LYPD6B: variants seen among roughly 807,000 people sequenced by gnomAD.
LYPD6B encodes the protein LY6/PLAUR domain containing 6B.
Under a neutral mutation model 22.8 loss-of-function variants are expected in LYPD6B, and 17 were observed. The observed-to-expected ratio is 0.75, with a 90% CI of 0.51 to 1.12. LYPD6B has a LOEUF of 1.12. Among genes scored for constraint, LYPD6B ranks in the 50% most tolerant of loss-of-function variants. The pLI is 0.00. For missense variants in LYPD6B, 221 were observed against 258.3 expected, an observed-to-expected ratio of 0.86 and a Z score of 0.99; for synonymous variants, 106 against 91.6, an observed-to-expected ratio of 1.16 and a Z score of -0.90.
At chr2:149,191,285 CTTAA>C (rs556553270) in intron 3 of LYPD6B, among the ~76,000 whole-genome samples, 20 of 152,134 alleles carry the variant, frequency 1.3e-4, no homozygotes, top group Non-Finnish European at 1.9e-4. Context: ...TTCTTTAAAA[CTTAA>C]TTAAATAATG....
At chr2:149,071,608 C>T (rs1370047027) in intron 1 of LYPD6B, among the ~76,000 whole-genome samples, 1 of 152,158 alleles carries the variant, frequency 6.6e-6, no homozygotes, top group Non-Finnish European at 1.5e-5. Flanking sequence ...ATAACAATGG[C>T]TGTGATTTCC....
At chr2:149,116,824 C>T (rs1009860555) in intron 1 of LYPD6B, among the ~76,000 whole-genome samples, 11 of 152,188 alleles carry the variant, frequency 7.2e-5, no homozygotes, top group Non-Finnish European at 1.3e-4. Flanking sequence ...GTTTAGTTCT[C>T]ATCTTCCTTG....
At chr2:149,188,879 T>G (rs1692298054) in intron 3 of LYPD6B, 1 of 157,492 alleles carries the variant, frequency 6.3e-6, no homozygotes. Context: ...ATTTTGTCAT[T>G]TTCACAATGA....
chr2:149,087,432 G>A (rs1175681366), intron 1 of LYPD6B, among the ~76,000 whole-genome samples: 3 of 152,234 alleles, frequency 2.0e-5, no homozygotes, highest in Non-Finnish European at 2.9e-5. Context: ...TGAGTTTGAC[G>A]GCTCATGCCT....
chr2:149,171,303 T>C (rs1349485833), intron 3 of LYPD6B, among the ~76,000 whole-genome samples: 1 of 152,168 alleles, frequency 6.6e-6, no homozygotes, highest in Non-Finnish European at 1.5e-5. Context: ...TTCCATGCCC[T>C]TCTCCTTGAG....
intron 1 of LYPD6B, chr2:149,118,250 G>C (rs1256208226): frequency 6.6e-6 from 1 of 152,234 alleles, no homozygotes; most frequent in African/African-American, 2.4e-5. Flanking sequence ...CACCACTACC[G>C]AGGCTGGGTA....
At chr2:149,108,255 G>A (rs771890740) in intron 1 of LYPD6B, among the ~76,000 whole-genome samples, 107 of 152,178 alleles carry the variant, frequency 7.0e-4, no homozygotes, top group Non-Finnish European at 1.3e-3. Context: ...CCCCAGCCAC[G>A]TGGAACTGTA....
rs539082309 is a variant in LYPD6B, at chr2:149,187,439, T to C, written c.78-17814T>C. On this transcript the variant is annotated intron_variant, in intron 3 of 6. Coordinates refer to ENST00000409642, the MANE Select transcript of LYPD6B (RefSeq NM_177964.5). Reference sequence around the variant, plus strand: ...ATTATTTTCTAGATGTGAAAGGCATTGTACAGAAGAAGATGAGAATCACAG... The same window carrying C: ...ATTATTTTCTAGATGTGAAAGGCATCGTACAGAAGAAGATGAGAATCACAG... The C allele has an allele frequency of 7.2e-6, 11 of 1,532,256 alleles. No homozygotes were observed. In the African/African-American group the frequency reaches 1.3e-4, roughly 17 times the overall value. The allele number at this position is 1,532,256 out of a possible 1,614,324, so 94.9% of individuals were successfully genotyped here. A position where few individuals can be genotyped will look rare whatever the true frequency, so the allele number is the denominator to read the frequency against.
At chr2:149,063,993 G>A (rs1684212915) in intron 1 of LYPD6B, among the ~76,000 whole-genome samples, 1 of 152,162 alleles carries the variant, frequency 6.6e-6, no homozygotes, top group Non-Finnish European at 1.5e-5. Flanking sequence ...GAAGAAAAGG[G>A]CAAGGGCCAT....
chr2:149,120,667 G>C (rs1687288771), intron 1 of LYPD6B, among the ~76,000 whole-genome samples: 1 of 150,536 alleles, frequency 6.6e-6, no homozygotes, highest in African/African-American at 2.5e-5. Flanking sequence ...ACAGGCATGA[G>C]TCACGGCGCC....
intron 1 of LYPD6B, among the ~76,000 whole-genome samples, chr2:149,077,904 G>T (rs1381993887): frequency 1.3e-5 from 2 of 152,218 alleles, no homozygotes; most frequent in Non-Finnish European, 2.9e-5. Flanking sequence ...GAGTTGGAAT[G>T]GCATCAAGTC....
At chr2:149,046,780 A>T (rs1195197502) in intron 1 of LYPD6B, among the ~76,000 whole-genome samples, 1 of 152,108 alleles carries the variant, frequency 6.6e-6, no homozygotes, top group Non-Finnish European at 1.5e-5. Flanking sequence ...CAGTATATTT[A>T]CAGTACTTCT....
chr2:149,056,007 TAAG>T (rs925953287), intron 1 of LYPD6B, among the ~76,000 whole-genome samples: 92 of 152,306 alleles, frequency 6.0e-4, no homozygotes, highest in African/African-American at 1.9e-3. Context: ...TTTATACTCT[TAAG>T]AATCTGAGTG....
rs1180683739 is a variant in LYPD6B, at chr2:149,093,247, C to T, written c.-66-37636C>T. 2.0e-5 allele frequency among the ~76,000 whole-genome samples: 3 copies of T among 151,870 alleles called. No individual in the cohort carries two copies. In the East Asian group the frequency reaches 5.8e-4, roughly 30 times the overall value. On this transcript the variant is annotated intron_variant, in intron 1 of 6. Coordinates refer to ENST00000409642, the MANE Select transcript of LYPD6B (RefSeq NM_177964.5). ...AACGATCAAAGGAGTGGGGATGTGT[C>T]GCATTGGTGGTGGAGGCTAGTCTCC...
At chr2:149,051,490 G>A (rs1384304978) in intron 1 of LYPD6B, among the ~76,000 whole-genome samples, 3 of 152,024 alleles carry the variant, frequency 2.0e-5, no homozygotes, top group African/African-American at 4.8e-5. Flanking sequence ...AATGTATTTT[G>A]TATTTAATCA....
At chr2:149,134,609 T>C (rs1244043917) in intron 2 of LYPD6B, among the ~76,000 whole-genome samples, 1 of 152,238 alleles carries the variant, frequency 6.6e-6, no homozygotes, top group Non-Finnish European at 1.5e-5. Context: ...GAATCAATGA[T>C]ATAACTTGAA....
At chr2:149,164,248 A>C (rs1224672357) in intron 3 of LYPD6B, among the ~76,000 whole-genome samples, 2 of 152,152 alleles carry the variant, frequency 1.3e-5, no homozygotes, top group African/African-American at 4.8e-5. Flanking sequence ...CTCTCTCTGC[A>C]CTTGCTGTTT....
chr2:149,049,276 A>C (rs1169305697), intron 1 of LYPD6B, among the ~76,000 whole-genome samples: 1 of 152,190 alleles, frequency 6.6e-6, no homozygotes, highest in East Asian at 1.9e-4. Context: ...CTAATCTACC[A>C]GTTTGTGTAA....
chr2:149,120,168 A>T (rs1203523608), intron 1 of LYPD6B, among the ~76,000 whole-genome samples: 1 of 151,180 alleles, frequency 6.6e-6, no homozygotes, highest in Non-Finnish European at 1.5e-5. Flanking sequence ...CCTTTGTTTT[A>T]TTTCTTTTGT....
Sources: gnomAD v4.1 joint callset for allele counts (sites outside exome capture counted in the v4.1 genomes callset) on GRCh38, gnomAD v4.1.1 for gene constraint, MANE v1.5 for transcripts, NCBI Gene and HGNC (gene_info 2026-07-23, HGNC 2026-07-21) for gene names.